SUPT3H: variants seen among roughly 807,000 people sequenced by gnomAD.
SUPT3H encodes the protein SPT3 homolog, SAGA and STAGA complex component, also known as transcription initiation protein SPT3 homolog.
Under a neutral mutation model 44.3 loss-of-function variants are expected in SUPT3H, and 44 were observed. The observed-to-expected ratio is 0.99, with a 90% CI of 0.78 to 1.28. The LOEUF is 1.28. Ranked by LOEUF, SUPT3H falls within the 50% of genes most tolerant of loss-of-function variation. The pLI, the probability that SUPT3H is intolerant of heterozygous loss-of-function variation, is 0.00. For missense variants in SUPT3H, 380 were observed against 387.1 expected (o/e 0.98, Z 0.15); for synonymous variants, 124 against 125.6 (o/e 0.99, Z 0.09).
intron 6 of SUPT3H, among the ~76,000 whole-genome samples, chr6:44,986,986 A>ATAGGTGGC (rs1195732961): frequency 1.3e-5 from 2 of 152,132 alleles, no homozygotes; most frequent in African/African-American, 4.8e-5. Flanking sequence ...ATACCATAGA[A>ATAGGTGGC]TAGGTGGCTT....
intron 2 of SUPT3H, among the ~76,000 whole-genome samples, chr6:45,136,780 C>G (rs1397241003): frequency 6.6e-6 from 1 of 151,920 alleles, no homozygotes; most frequent in Non-Finnish European, 1.5e-5. Context: ...AAATGACATA[C>G]CCTCACAGAA....
intron 2 of SUPT3H, among the ~76,000 whole-genome samples, chr6:45,204,240 C>T (rs141797902): frequency 0.019 from 721 of 37,330 alleles, 5 homozygotes; most frequent in African/African-American, 0.056. Context: ...GAGCAAGATT[C>T]CGTCTCAAAA....
At chr6:45,191,949 C>T (rs1392080922) in intron 2 of SUPT3H, among the ~76,000 whole-genome samples, 1 of 152,030 alleles carries the variant, frequency 6.6e-6, no homozygotes, top group East Asian at 1.9e-4. Context: ...AAACTTTATA[C>T]CCAATACAAG....
intron 2 of SUPT3H, among the ~76,000 whole-genome samples, chr6:45,229,970 G>A (rs1767648508): frequency 6.6e-6 from 1 of 151,900 alleles, no homozygotes; most frequent in African/African-American, 2.4e-5. Flanking sequence ...CTCTATTCAT[G>A]GTCCCTTTCC....
chr6:45,374,774 C>T (rs1796541129), intron 1 of SUPT3H, among the ~76,000 whole-genome samples: 2 of 152,178 alleles, frequency 1.3e-5, no homozygotes, highest in African/African-American at 4.8e-5. Flanking sequence ...GGAACCAAAA[C>T]TCAAGCTGCT....
chr6:45,124,410 G>A lies in SUPT3H; in HGVS notation c.102-18404C>T, dbSNP rs144642545. On this transcript the variant is annotated intron_variant, in intron 2 of 10. Coordinates refer to ENST00000371459, the MANE Select transcript of SUPT3H (RefSeq NM_003599.4). ...TGTAATCCCAGCACTTTGGGAGGCC[G>A]AGGCAGGTGAATTACTTGAGGTCAG... Among the ~76,000 whole-genome samples the A allele has an allele frequency of 3.4e-3, 517 of 152,114 alleles. 2 individuals carry two copies. Among genetic ancestry groups the A allele is most frequent in the Middle Eastern group, 0.014 (4 of 294 alleles).
intron 4 of SUPT3H, among the ~76,000 whole-genome samples, chr6:45,016,826 C>T (rs1317707779): frequency 6.6e-6 from 1 of 152,066 alleles, no homozygotes; most frequent in African/African-American, 2.4e-5. Context: ...GTCATTATAA[C>T]AGCATGATTT....
intron 6 of SUPT3H, among the ~76,000 whole-genome samples, chr6:44,971,040 C>T (rs1036790035): frequency 6.6e-6 from 1 of 152,152 alleles, no homozygotes; most frequent in Non-Finnish European, 1.5e-5. Context: ...CAAGGATACA[C>T]AGAATTCTGT....
intron 2 of SUPT3H, among the ~76,000 whole-genome samples, chr6:45,287,939 A>G (rs937777224): frequency 1.3e-5 from 2 of 152,186 alleles, no homozygotes; most frequent in Admixed American, 6.5e-5. Flanking sequence ...TCTGCTGCAC[A>G]TTCCTTTCCT....
intron 2 of SUPT3H, among the ~76,000 whole-genome samples, chr6:45,179,389 T>A (rs1457843309): frequency 6.6e-6 from 1 of 152,184 alleles, no homozygotes; most frequent in Non-Finnish European, 1.5e-5. Context: ...GAGGCCAGCA[T>A]CATCCTGATA....
chr6:45,083,297 T>C (rs1412576525), intron 3 of SUPT3H, among the ~76,000 whole-genome samples: 1 of 151,958 alleles, frequency 6.6e-6, no homozygotes, highest in Non-Finnish European at 1.5e-5. Flanking sequence ...GTTCAAGCGA[T>C]TCTCTTACCT....
intron 6 of SUPT3H, among the ~76,000 whole-genome samples, chr6:44,968,954 C>T (rs577942740): frequency 1.3e-5 from 2 of 152,126 alleles, no homozygotes; most frequent in African/African-American, 4.8e-5. Flanking sequence ...GTCATATGTG[C>T]CATGTACTGC....
intron 6 of SUPT3H, among the ~76,000 whole-genome samples, chr6:44,988,016 A>G (rs978728148): frequency 1.3e-5 from 2 of 152,190 alleles, no homozygotes; most frequent in Non-Finnish European, 2.9e-5. Flanking sequence ...AAGTAAGATT[A>G]GTCTGCTTAT....
chr6:45,148,228 T>C (rs753931698), intron 2 of SUPT3H, among the ~76,000 whole-genome samples: 3 of 152,178 alleles, frequency 2.0e-5, no homozygotes, highest in Non-Finnish European at 4.4e-5. Flanking sequence ...ACATATACCA[T>C]ATTCTATTTT....
intron 2 of SUPT3H, among the ~76,000 whole-genome samples, chr6:45,239,681 A>C (rs1769920403): frequency 6.6e-6 from 1 of 152,232 alleles, no homozygotes; most frequent in Non-Finnish European, 1.5e-5. Flanking sequence ...AGTGTTTTAC[A>C]GTGATAGGCA....
chr6:45,156,577 T>A (rs1807851018), intron 2 of SUPT3H, among the ~76,000 whole-genome samples: 1 of 151,414 alleles, frequency 6.6e-6, no homozygotes, highest in African/African-American at 2.4e-5. Flanking sequence ...ATAATTAATA[T>A]AATTTCAATA....
At chr6:45,179,398 T>C (rs1337379519) in intron 2 of SUPT3H, among the ~76,000 whole-genome samples, 3 of 152,174 alleles carry the variant, frequency 2.0e-5, no homozygotes, top group Admixed American at 6.5e-5. Flanking sequence ...ATCATCCTGA[T>C]ACCAAAGCCG....
rs542058662 is a variant in SUPT3H, at chr6:45,014,653, A to G, written c.364+148T>C. 5.0e-4 allele frequency: 230 copies of G among 461,702 alleles called. 1 individual carries two copies. Among genetic ancestry groups the G allele is most frequent in the African/African-American group, 4.2e-3 (209 of 49,464 alleles). The allele number at this position is 461,702 out of a possible 1,614,324, so 28.6% of individuals were successfully genotyped here. On this transcript the variant is annotated intron_variant, in intron 5 of 10. Coordinates refer to ENST00000371459, the MANE Select transcript of SUPT3H (RefSeq NM_003599.4). ...CGGTATAATATGTTTTATCAGAAAT[A>G]TATACTTTTGCAAGGGTATTCCACT...
At chr6:45,054,490 G>A (rs554382053) in intron 3 of SUPT3H, among the ~76,000 whole-genome samples, 33 of 151,952 alleles carry the variant, frequency 2.2e-4, no homozygotes, top group Non-Finnish European at 4.6e-4. Context: ...AGTTTCTTTA[G>A]GTTTTAATTT....
Sources: allele counts gnomAD v4.1 joint callset (sites outside exome capture counted in the v4.1 genomes callset), GRCh38; gene constraint gnomAD v4.1.1; transcripts MANE v1.5; gene names NCBI Gene and HGNC (gene_info 2026-07-23, HGNC 2026-07-21).